Variants in NLRP7 observed in about 807,000 individuals in gnomAD.
NLRP7 encodes NACHT, LRR and PYD domains-containing protein 7.
Under a neutral mutation model 85.5 loss-of-function variants are expected in NLRP7, and 72 were observed. The observed-to-expected ratio is 0.84, with a 90% CI of 0.70 to 1.02. NLRP7 has a LOEUF of 1.02. Among genes scored for constraint, NLRP7 ranks in the 50% least tolerant of loss-of-function variants. NLRP7 has a pLI of 0.00. For synonymous variants in NLRP7, 550 were observed against 505.2 expected (o/e 1.09, Z -1.19); for missense variants, 1,243 against 1,219.5 (o/e 1.02, Z -0.29).
At chr19:54,949,683 C>A (rs2146262903), upstream of NLRP7, among the ~76,000 whole-genome samples, 1 of 152,248 alleles carries the variant, frequency 6.6e-6, no homozygotes, top group South Asian at 2.1e-4. Flanking sequence ...ACATTGGGAA[C>A]TTTCAGCCCC....
chr19:54,936,118 C>T (rs893563738), intron 6 of NLRP7, 143 bp downstream of exon 6: 16 of 737,914 alleles, frequency 2.2e-5, no homozygotes, highest in African/African-American at 1.7e-4. Context: ...GAGGAGAGGC[C>T]GACTCCCCCA....
At chr19:54,964,074 T>G (rs1276134559) in intron 1 of NLRP7, among the ~76,000 whole-genome samples, 6 of 147,894 alleles carry the variant, frequency 4.1e-5, no homozygotes, top group Non-Finnish European at 8.9e-5. Flanking sequence ...TGAGACGGGG[T>G]TTCATCATCT....
intron 1 of NLRP7, among the ~76,000 whole-genome samples, chr19:54,942,386 C>T (rs1224717120): frequency 6.6e-6 from 1 of 151,728 alleles, no homozygotes; most frequent in Non-Finnish European, 1.5e-5. Flanking sequence ...TGTGATTTCA[C>T]ACTGATAGTA....
intron 6 of NLRP7, among the ~76,000 whole-genome samples, chr19:54,935,131 C>T (rs867677702): frequency 1.3e-5 from 2 of 152,114 alleles, no homozygotes; most frequent in Non-Finnish European, 2.9e-5. Flanking sequence ...ATCCCCATGG[C>T]CATTAGGGTA....
At position 54,934,617 on chromosome 19, in the gene NLRP7, G is replaced by T; in HGVS notation, c.2343C>A (p.Phe781Leu). The change falls in exon 7 of 10, where the codon TTC becomes TTA. Residue 781 changes from phenylalanine (F) to leucine (L), a missense_variant. Coordinates refer to ENST00000340844, the Ensembl canonical transcript of NLRP7. The surrounding 1 kb of genome is among the most constrained non-coding windows in gnomAD (Gnocchi z 6.7). Reference sequence around the variant, plus strand: ...ACTGGTTGGCTTTGAGGACATAGAAGAATTCAGCCCACTGCTCCGGGGTGG... The same window carrying T: ...ACTGGTTGGCTTTGAGGACATAGAATAATTCAGCCCACTGCTCCGGGGTGG... 2 of 1,614,036 alleles carry T rather than the reference G, an allele frequency of 1.2e-6. No homozygotes were observed. Among genetic ancestry groups the T allele is most frequent in the Non-Finnish European group, 1.7e-6 (2 of 1,179,970 alleles).
At chr19:54,954,298 G>T (rs909497159) in intron 1 of NLRP7, among the ~76,000 whole-genome samples, 7 of 147,878 alleles carry the variant, frequency 4.7e-5, no homozygotes, top group Non-Finnish European at 9.0e-5. Context: ...AGGCCGAGGC[G>T]GGTGGATCAT....
At chr19:54,928,859 A>G (rs2068554444) in intron 9 of NLRP7, among the ~76,000 whole-genome samples, 1 of 151,886 alleles carries the variant, frequency 6.6e-6, no homozygotes, top group African/African-American at 2.4e-5. Context: ...CTGGAGTGCA[A>G]TGGCGTGATC....
exon 9 of NLRP7, chr19:54,930,630 T>G (rs368560112): frequency 6.2e-7 from 1 of 1,613,282 alleles, no homozygotes; most frequent in Admixed American, 1.7e-5. Context: ...CTGAGAGATA[T>G]CTACAGCCAA....
At chr19:54,949,978 T>C (rs933916355), upstream of NLRP7, among the ~76,000 whole-genome samples, 7 of 152,022 alleles carry the variant, frequency 4.6e-5, no homozygotes, top group Non-Finnish European at 1.5e-5. Context: ...GGAGTGCACC[T>C]GTAGACCCAG....
chr19:54,935,484 T>C (rs1274522470), intron 6 of NLRP7, among the ~76,000 whole-genome samples: 1 of 152,022 alleles, frequency 6.6e-6, no homozygotes, highest in Non-Finnish European at 1.5e-5. Context: ...TCACTTGAGG[T>C]CAGGAGTTCG....
At chr19:54,953,797 T>C (rs1327544333) in intron 1 of NLRP7, among the ~76,000 whole-genome samples, 3 of 150,896 alleles carry the variant, frequency 2.0e-5, no homozygotes, top group African/African-American at 7.3e-5. Flanking sequence ...GGTCAGGAGA[T>C]TGAGACCATC....
chr19:54,962,912 A>G (rs1186273829), intron 1 of NLRP7, among the ~76,000 whole-genome samples: 1 of 151,970 alleles, frequency 6.6e-6, no homozygotes, highest in South Asian at 2.1e-4. Flanking sequence ...TCACTTTCTT[A>G]TTCTTTCTAG....
intron 1 of NLRP7, among the ~76,000 whole-genome samples, chr19:54,943,078 C>T (rs1024247746): frequency 6.4e-4 from 97 of 151,412 alleles, no homozygotes; most frequent in African/African-American, 2.2e-3. Context: ...ACCCAGGAGG[C>T]GGAGGTTGCA....
exon 3 of NLRP7, chr19:54,940,983 T>A: frequency 6.2e-7 from 1 of 1,612,414 alleles, no homozygotes; most frequent in South Asian, 1.1e-5. Flanking sequence ...CAGGATTATC[T>A]ATTTCTTGCA....
At chr19:54,966,216 A>G (rs2070388549) in exon 1 of NLRP7, 1 of 151,770 alleles carries the variant, frequency 6.6e-6, no homozygotes, top group Admixed American at 6.6e-5. Context: ...GAGGCTCCAC[A>G]TAGGTAAGTT....
At chr19:54,929,994 A>T (rs2068603703) in intron 9 of NLRP7, among the ~76,000 whole-genome samples, 1 of 151,430 alleles carries the variant, frequency 6.6e-6, no homozygotes, top group Non-Finnish European at 1.5e-5. Context: ...GGGCATCTGT[A>T]GTCCCAGCTA....
intron 1 of NLRP7, among the ~76,000 whole-genome samples, chr19:54,945,992 C>T (rs1187662065): frequency 1.3e-5 from 2 of 151,930 alleles, no homozygotes; most frequent in South Asian, 2.1e-4. Flanking sequence ...GGGGTTTCAC[C>T]GTGTTAGCCA....
At chr19:54,927,571 AAAAAC>A (rs754344098) in intron 9 of NLRP7, 29 bp downstream of exon 10, 72 of 1,559,694 alleles carry the variant, frequency 4.6e-5, no homozygotes, top group East Asian at 7.1e-5. Flanking sequence ...AACAAAAACA[AAAAAC>A]AAAACAAAAC....
At chr19:54,937,973 T>C (rs1265750293) in intron 5 of NLRP7, 71 bp downstream of exon 5, 4 of 1,230,822 alleles carry the variant, frequency 3.2e-6, no homozygotes, top group Non-Finnish European at 3.6e-6. Context: ...CATTTCCAAA[T>C]TTAAAAAACA....
Sources: allele counts gnomAD v4.1 joint callset (sites outside exome capture counted in the v4.1 genomes callset), GRCh38; gene constraint gnomAD v4.1.1; non-coding constraint Gnocchi (gnomAD v3.1); transcripts MANE v1.5; gene names NCBI Gene and HGNC (gene_info 2026-07-23, HGNC 2026-07-21).